RC3H1: variants seen among roughly 807,000 people sequenced by gnomAD.
RC3H1 encodes the protein roquin-1.
A neutral mutation model predicts 138.2 loss-of-function variants in RC3H1; 50 were observed. The observed-to-expected ratio is 0.36, with a 90% CI of 0.29 to 0.46. The LOEUF (loss-of-function observed/expected upper bound fraction) is 0.46, where lower values mean the gene tolerates loss of function less well. Ranked by LOEUF, RC3H1 falls within the 20% of genes least tolerant of loss-of-function variation. The probability of loss-of-function intolerance (pLI) is 1.00; values close to 1 mark genes in which losing one functional copy is unlikely to be tolerated. For missense variants in RC3H1, 1,031 were observed against 1,388.1 expected (o/e 0.74, Z 4.09); for synonymous variants, 462 against 489.1 (o/e 0.94, Z 0.73).
intron 6 of RC3H1, among the ~76,000 whole-genome samples, chr1:173,980,162 G>C: frequency 6.8e-6 from 1 of 147,324 alleles, no homozygotes; most frequent in East Asian, 2.1e-4. Context: ...ACAGGCATCA[G>C]CCACTGTGCC....
At chr1:173,952,187 A>C in intron 13 of RC3H1, 49 bp from the exon 14 acceptor site, 1 of 1,417,828 alleles carries the variant, frequency 7.1e-7, no homozygotes, top group Non-Finnish European at 9.4e-7. Flanking sequence ...AGAGAAAGAA[A>C]CAAAACAGGA....
At chr1:173,970,362 A>G (rs1369517506) in intron 9 of RC3H1, 143 bp downstream of exon 9, 3 of 579,092 alleles carry the variant, frequency 5.2e-6, no homozygotes, top group Non-Finnish European at 8.9e-6. Flanking sequence ...TCAGATTTTC[A>G]GAATAGGAAT....
At chr1:173,981,292 T>C (rs1660807478) in intron 5 of RC3H1, among the ~76,000 whole-genome samples, 1 of 152,192 alleles carries the variant, frequency 6.6e-6, no homozygotes, top group African/African-American at 2.4e-5. Flanking sequence ...GCCAGAAGTG[T>C]TATCAGATTT....
chr1:173,949,599 C>A (rs2102877424), intron 14 of RC3H1, among the ~76,000 whole-genome samples: 1 of 152,138 alleles, frequency 6.6e-6, no homozygotes, highest in Non-Finnish European at 1.5e-5. Flanking sequence ...AAACTCCTGA[C>A]CTCAAGTGAT....
At chr1:173,941,620 A>T (rs1658864742) in intron 18 of RC3H1, among the ~76,000 whole-genome samples, 1 of 152,228 alleles carries the variant, frequency 6.6e-6, no homozygotes, top group East Asian at 1.9e-4. Flanking sequence ...CATGAAAAAA[A>T]ATTTCTCAGA....
chr1:173,986,698 G>GT (rs1661045915), intron 2 of RC3H1, among the ~76,000 whole-genome samples: 1 of 152,174 alleles, frequency 6.6e-6, no homozygotes, highest in South Asian at 2.1e-4. Flanking sequence ...GAGTAGCTGG[G>GT]ATTACAGGCA....
At chr1:174,007,567 G>A (rs1461777742) in intron 1 of RC3H1, among the ~76,000 whole-genome samples, 2 of 151,752 alleles carry the variant, frequency 1.3e-5, no homozygotes, top group Admixed American at 6.6e-5. Context: ...GGGTTCAAAC[G>A]ACCCTCCCAC....
chr1:173,984,085 C>T (rs1184707586), intron 3 of RC3H1, among the ~76,000 whole-genome samples: 1 of 152,124 alleles, frequency 6.6e-6, no homozygotes, highest in Non-Finnish European at 1.5e-5. Flanking sequence ...TTCATTATAC[C>T]GCCTATAGCA....
At chr1:173,978,769 T>C (rs1660683674) in intron 6 of RC3H1, 149 bp from the exon 7 acceptor site, 1 of 770,606 alleles carries the variant, frequency 1.3e-6, no homozygotes, top group Admixed American at 3.1e-5. Context: ...GATTACTTGC[T>C]ACCCAAATAA....
At chr1:173,998,277 G>A (rs1388339054) in intron 1 of RC3H1, among the ~76,000 whole-genome samples, 1 of 152,130 alleles carries the variant, frequency 6.6e-6, no homozygotes, top group African/African-American at 2.4e-5. Flanking sequence ...CCTTCCAATT[G>A]AAACAGAAGA....
chr1:174,010,973 G>A (rs1358708900), intron 1 of RC3H1, among the ~76,000 whole-genome samples: 1 of 152,104 alleles, frequency 6.6e-6, no homozygotes, highest in Non-Finnish European at 1.5e-5. Context: ...AATCATGGGG[G>A]AATAGGTGCT....
At chr1:173,948,237 A>G (rs930514270) in intron 14 of RC3H1, among the ~76,000 whole-genome samples, 1 of 152,182 alleles carries the variant, frequency 6.6e-6, no homozygotes, top group African/African-American at 2.4e-5. Context: ...GGACCACTCA[A>G]TTTGAACTGG....
chr1:174,021,936 G>A (rs1181847655), intron 1 of RC3H1, among the ~76,000 whole-genome samples, 160 bp downstream of exon 1: 2 of 152,234 alleles, frequency 1.3e-5, no homozygotes, highest in Non-Finnish European at 2.9e-5. Flanking sequence ...CAGCCGGCGG[G>A]GGCCCTGAGG....
intron 1 of RC3H1, among the ~76,000 whole-genome samples, chr1:174,021,409 G>C (rs1305516149): frequency 2.0e-5 from 3 of 151,934 alleles, no homozygotes; most frequent in Non-Finnish European, 4.4e-5. Flanking sequence ...ACTTAGAGAT[G>C]TTTAGAGAGG....
chr1:173,999,471 T>C (rs553117118), intron 1 of RC3H1, among the ~76,000 whole-genome samples: 32 of 152,308 alleles, frequency 2.1e-4, no homozygotes, highest in South Asian at 1.7e-3. Flanking sequence ...AACTAGTTTG[T>C]AGATACCAAA....
chr1:173,974,277 CAAAA>C (rs571801899), intron 7 of RC3H1, among the ~76,000 whole-genome samples: 24 of 47,204 alleles, frequency 5.1e-4, no homozygotes, highest in South Asian at 2.0e-3. Context: ...GAGACTGTCT[CAAAA>C]AAAAAAAAAA....
Position 173,935,401 on chromosome 1 carries a change from C to T in RC3H1, c.*3320G>A, listed in dbSNP as rs1658542437. 2.0e-5 allele frequency: 3 copies of T among 152,114 alleles called. No homozygotes were observed. The South Asian group carries it at 6.2e-4, about 31-fold the overall frequency. 9.4% of individuals were successfully genotyped at this position (152,114 alleles called of 1,614,324 possible). A position where few individuals can be genotyped will look rare whatever the true frequency, so the allele number is the denominator to read the frequency against. ...TCCCTCACCTATGTATGAGTGAACA[C>T]AATGCTTATTACTCCTACCTTAACC... On this transcript the variant is annotated 3_prime_UTR_variant, in exon 20 of 20. Coordinates refer to ENST00000367696, the MANE Select transcript of RC3H1 (RefSeq NM_172071.4).
chr1:173,955,166 C>T (rs1337574825), intron 13 of RC3H1, among the ~76,000 whole-genome samples: 1 of 135,468 alleles, frequency 7.4e-6, no homozygotes, highest in Non-Finnish European at 1.5e-5. Flanking sequence ...GCGGAGGTTG[C>T]AGTGAGCCGA....
Position 174,008,564 on chromosome 1 carries a change from G to A in RC3H1, c.-151+13532C>T, listed in dbSNP as rs575400340. Among the ~76,000 whole-genome samples, 4 of 152,180 alleles carry A rather than the reference G, an allele frequency of 2.6e-5. No homozygotes were observed. The South Asian group carries it at 6.2e-4, about 24-fold the overall frequency. On this transcript the variant is annotated intron_variant, in intron 1 of 19. Coordinates refer to ENST00000367696, the MANE Select transcript of RC3H1 (RefSeq NM_172071.4). ...TCCATTTTGAAGGGTTTAAAAGAAC[G>A]AAAAAATTGCTACATGAACTCCAAA...
Sources: allele counts gnomAD v4.1 joint callset (sites outside exome capture counted in the v4.1 genomes callset), GRCh38; gene constraint gnomAD v4.1.1; transcripts MANE v1.5; gene names NCBI Gene and HGNC (gene_info 2026-07-23, HGNC 2026-07-21).